CCDC181: variants seen among roughly 807,000 people sequenced by gnomAD.
The protein encoded by CCDC181 is coiled-coil domain-containing protein 181.
A neutral mutation model predicts 58.7 loss-of-function variants in CCDC181; 35 were observed. The ratio of observed to expected loss-of-function variants is 0.60; its 90% CI spans 0.46 to 0.79. The LOEUF is 0.79. Ranked by LOEUF, CCDC181 falls within the 30% of genes least tolerant of loss-of-function variation. The pLI is 0.00. For synonymous variants in CCDC181, 183 were observed against 197.5 expected (o/e 0.93, Z 0.62); for missense variants, 517 against 583.9 (o/e 0.89, Z 1.18).
chr1:169,429,041 T>C (rs186790498), upstream of CCDC181, among the ~76,000 whole-genome samples: 5 of 152,320 alleles, frequency 3.3e-5, no homozygotes, highest in Admixed American at 3.3e-4. Flanking sequence ...AGTGAGAACA[T>C]ATGATGTTTG....
chr1:169,453,132 C>T (rs1657589533), intron 2 of CCDC181, among the ~76,000 whole-genome samples: 1 of 151,508 alleles, frequency 6.6e-6, no homozygotes, highest in Non-Finnish European at 1.5e-5. Context: ...GCAAAATATG[C>T]ACTCTTTTAC....
chr1:169,415,604 C>A (rs1656180091), intron 4 of CCDC181, among the ~76,000 whole-genome samples: 1 of 152,144 alleles, frequency 6.6e-6, no homozygotes, highest in African/African-American at 2.4e-5. Context: ...TCTTCATTCC[C>A]CCATACGTCT....
chr1:169,431,900 T>C (rs2101739188), upstream of CCDC181, among the ~76,000 whole-genome samples: 1 of 152,302 alleles, frequency 6.6e-6, no homozygotes, highest in East Asian at 1.9e-4. Context: ...CTCCTCCAGC[T>C]GAAGCAACTT....
intron 4 of CCDC181, among the ~76,000 whole-genome samples, chr1:169,416,765 C>T (rs1656234051): frequency 6.6e-6 from 1 of 152,094 alleles, no homozygotes; most frequent in Non-Finnish European, 1.5e-5. Flanking sequence ...TCAAATTTCT[C>T]CATATTTCCT....
At chr1:169,439,491 C>T (rs992442510) in intron 2 of CCDC181, among the ~76,000 whole-genome samples, 1 of 152,220 alleles carries the variant, frequency 6.6e-6, no homozygotes, top group African/African-American at 2.4e-5. Flanking sequence ...TGCTCAGCCA[C>T]TGCGCTCAAA....
At position 169,421,370 on chromosome 1, in the gene CCDC181, T is replaced by C. The variant is rs1236618396; in HGVS notation, c.1061A>G (p.Lys354Arg). The change falls in exon 3 of 6, where the codon AAA becomes AGA. Residue 354 changes from lysine (K) to arginine (R), a missense_variant. Transcript: ENST00000367806. ...KQLEEKREKL[K>R]REEERRKIEE... ...GCCCACTTAGGTTCTCACCTCTCTT[T>C]TCAGTTTTTCTCTCTTTTCTTCTAG... The C allele has an allele frequency of 6.2e-7, 1 of 1,603,738 alleles. No individual in the cohort carries two copies. The highest frequency in any genetic ancestry group is 1.1e-5 in the South Asian group (1 of 90,624).
chr1:169,410,280 C>A (rs180704836), intron 4 of CCDC181, among the ~76,000 whole-genome samples: 1,616 of 150,440 alleles, frequency 0.011, 37 homozygotes, highest in African/African-American at 0.038. Context: ...CAACAAAGAT[C>A]AAAAAAGACA....
chr1:169,425,307 T>C (rs1475812329), intron 1 of CCDC181, among the ~76,000 whole-genome samples: 5 of 152,112 alleles, frequency 3.3e-5, no homozygotes. Flanking sequence ...CCCCAAACCT[T>C]TGGCCAGACT....
intron 4 of CCDC181, among the ~76,000 whole-genome samples, chr1:169,402,555 T>C (rs1655410890): frequency 1.3e-5 from 2 of 152,090 alleles, no homozygotes; most frequent in African/African-American, 4.8e-5. Context: ...CCAGCCAAAC[T>C]AAGCTTCATA....
chr1:169,435,093 A>G (rs560022104), intron 2 of CCDC181, among the ~76,000 whole-genome samples: 1 of 152,260 alleles, frequency 6.6e-6, no homozygotes, highest in South Asian at 2.1e-4. Context: ...TAAGATAATA[A>G]GTTTTATGAT....
chr1:169,427,807 G>T (rs1656782134), upstream of CCDC181, among the ~76,000 whole-genome samples: 1 of 152,122 alleles, frequency 6.6e-6, no homozygotes. Context: ...CCATATTTTT[G>T]ACCCTCAGCT....
chr1:169,401,774 C>T (rs1655364583), intron 4 of CCDC181, among the ~76,000 whole-genome samples: 2 of 152,170 alleles, frequency 1.3e-5, no homozygotes. Flanking sequence ...TCTTCCCCAG[C>T]AATGGAACAA....
intron 4 of CCDC181, among the ~76,000 whole-genome samples, chr1:169,412,115 T>A (rs1163028979): frequency 1.3e-5 from 2 of 152,208 alleles, no homozygotes; most frequent in Non-Finnish European, 2.9e-5. Context: ...GATATTATTG[T>A]ATGTTTAGAA....
chr1:169,404,305 C>G (rs571152615), intron 4 of CCDC181, among the ~76,000 whole-genome samples: 9 of 151,854 alleles, frequency 5.9e-5, no homozygotes, highest in African/African-American at 1.9e-4. Context: ...CTCCCTAACT[C>G]GTTATAAGGC....
At position 169,406,824 on chromosome 1, in the gene CCDC181, A is replaced by T. The variant is rs529561798; in HGVS notation, c.1216-9433T>A. ...AAAAAAAACCCACCACAAAAAAAAT[A>T]AAAAAAAATAAACCAACAAACAAAC... On this transcript the variant is annotated intron_variant, in intron 4 of 5. Transcript: ENST00000367806. Among the ~76,000 whole-genome samples, 323 of 127,664 alleles carry T rather than the reference A, an allele frequency of 2.5e-3. 1 individual carries two copies. The highest frequency in any genetic ancestry group is 5.2e-3 in the Admixed American group (52 of 10,068). The allele number at this position is 127,664 out of a possible 152,430, so 83.8% of individuals were successfully genotyped here.
intron 2 of CCDC181, among the ~76,000 whole-genome samples, chr1:169,445,068 C>T (rs1657335016): frequency 6.6e-6 from 1 of 152,162 alleles, no homozygotes; most frequent in South Asian, 2.1e-4. Flanking sequence ...ATGCACCAAT[C>T]ATCCTAGCCA....
chr1:169,458,070 A>C (rs1433759162), intron 2 of CCDC181, among the ~76,000 whole-genome samples: 1 of 151,570 alleles, frequency 6.6e-6, no homozygotes, highest in Non-Finnish European at 1.5e-5. Context: ...ATTCATTTTC[A>C]TTCCTGTATA....
At chr1:169,413,018 A>T (rs1656047376) in intron 4 of CCDC181, among the ~76,000 whole-genome samples, 1 of 152,260 alleles carries the variant, frequency 6.6e-6, no homozygotes, top group Non-Finnish European at 1.5e-5. Context: ...GCCAACATTG[A>T]CAAATGGGAT....
At chr1:169,399,752 T>A (rs779324490) in intron 4 of CCDC181, among the ~76,000 whole-genome samples, 23 of 152,220 alleles carry the variant, frequency 1.5e-4, no homozygotes, top group South Asian at 4.1e-4. Flanking sequence ...TAAAGCTAGA[T>A]AAAATGTATG....
Sources: allele counts gnomAD v4.1 joint callset (sites outside exome capture counted in the v4.1 genomes callset), GRCh38; gene constraint gnomAD v4.1.1; transcripts MANE v1.5; gene names NCBI Gene and HGNC (gene_info 2026-07-23, HGNC 2026-07-21).